CPT2: variants seen among roughly 807,000 people sequenced by gnomAD.
The protein encoded by CPT2 is carnitine O-palmitoyltransferase 2, mitochondrial.
Under a neutral mutation model 48.6 loss-of-function variants are expected in CPT2, and 37 were observed. That is an observed-to-expected ratio of 0.76 (90% CI 0.59 to 1.00). The LOEUF is 1.00. CPT2 is among the 50% of genes least tolerant of loss of function. The pLI is 0.00. For synonymous variants in CPT2, 319 were observed against 326.9 expected (o/e 0.98, Z 0.26); for missense variants, 772 against 825.6 (o/e 0.94, Z 0.80).
At chr1:53,205,726 G>A (rs1645383447) in intron 3 of CPT2, among the ~76,000 whole-genome samples, 1 of 152,190 alleles carries the variant, frequency 6.6e-6, no homozygotes. Flanking sequence ...GTGCAGCCTC[G>A]GGACATGGTG....
chr1:53,196,954 G>A lies in CPT2; in HGVS notation c.11G>A (p.Arg4His). 6.5e-7 allele frequency: 1 copy of A among 1,540,274 alleles called. No individual in the cohort carries two copies. The change falls in exon 1 of 5, where the codon CGC (arginine) becomes CAC (histidine). Residue 4 changes from arginine to histidine, a missense_variant. By Grantham distance (29) the Arg-to-His change is conservative. Coordinates refer to ENST00000371486, the MANE Select transcript of CPT2 (RefSeq NM_000098.3). The stretch of plus-strand genomic sequence containing the variant: ...CAGGCTCCCGGGACGATGGTGCCCC[G>A]CCTGCTGCTGCGCGCCTGGCCCCGG... Reference protein sequence around the residue: MVPRLLLRAWPRGP... With the variant: MVPHLLLRAWPRGP...
At chr1:53,208,365 T>A (rs934148089) in intron 3 of CPT2, 2 of 152,216 alleles carry the variant, frequency 1.3e-5, no homozygotes, top group Admixed American at 1.3e-4. Flanking sequence ...GCTATACATA[T>A]GAACATTATT....
chr1:53,210,939 C>A lies in CPT2; in HGVS notation c.1265C>A (p.Ala422Asp). Residue 422 changes from alanine (A) to aspartate (D), a missense_variant, in exon 4 of 5, where the codon GCC becomes GAC. Physicochemically the swap from Ala to Asp is moderately radical, Grantham distance 126. Coordinates refer to ENST00000371486, the MANE Select transcript of CPT2 (RefSeq NM_000098.3). ...VQKLNFELTD[A>D]LKTGITAAKE... ...AAACTCAACTTCGAGCTGACTGATG[C>A]CTTAAAGACTGGCATCACAGCTGCT... is the stretch of plus-strand genomic sequence containing the variant. 1 of 1,614,172 alleles carries A rather than the reference C, an allele frequency of 6.2e-7. No individual in the cohort carries two copies. Among genetic ancestry groups the A allele is most frequent in the East Asian group, 2.2e-5 (1 of 44,878 alleles).
intron 3 of CPT2, chr1:53,209,180 A>G (rs1374990847): frequency 6.6e-6 from 1 of 152,104 alleles, no homozygotes; most frequent in Non-Finnish European, 1.5e-5. Context: ...GAGCAACATA[A>G]TAAGACCCCA....
chr1:53,201,925 G>A, intron 2 of CPT2: 1 of 246,712 alleles, frequency 4.1e-6, no homozygotes, highest in South Asian at 5.1e-5. Context: ...CTTGTAAAGT[G>A]GTATTATTAT....
At chr1:53,212,030 C>T (rs561829600) in intron 4 of CPT2, among the ~76,000 whole-genome samples, 104 of 151,134 alleles carry the variant, frequency 6.9e-4, no homozygotes, top group African/African-American at 2.4e-3. Context: ...ATAGCTGGGA[C>T]TATAGGCATG....
chr1:53,197,224 C>T, intron 1 of CPT2, 129 bp downstream of exon 1: 1 of 1,143,110 alleles, frequency 8.7e-7, no homozygotes, highest in Admixed American at 2.0e-5. Context: ...GAGGCTGCCA[C>T]AGCCCCTAAT....
chr1:53,202,453 T>G, intron 3 of CPT2, 24 bp downstream of exon 3: 1 of 1,546,094 alleles, frequency 6.5e-7, no homozygotes, highest in East Asian at 2.2e-5. Context: ...GCTGTGGGTA[T>G]GATTTCTCCC....
chr1:53,211,750 C>T (rs1351243890), intron 4 of CPT2, among the ~76,000 whole-genome samples: 3 of 151,874 alleles, frequency 2.0e-5, no homozygotes, highest in Non-Finnish European at 4.4e-5. Context: ...AGGCACCCGC[C>T]ACTACACCTG....
chr1:53,200,335 C>T (rs1401033813), intron 1 of CPT2: 2 of 188,830 alleles, frequency 1.1e-5, no homozygotes, highest in South Asian at 9.4e-5. Context: ...TCATTTTATC[C>T]TAGGGGAGAA....
intron 3 of CPT2, chr1:53,204,260 A>G (rs1335439617): frequency 7.3e-6 from 1 of 137,336 alleles, no homozygotes; most frequent in Non-Finnish European, 1.5e-5. Flanking sequence ...TCATCCTCTA[A>G]TTTTCTTTTC....
At chr1:53,205,788 A>G (rs1645383797) in intron 3 of CPT2, among the ~76,000 whole-genome samples, 1 of 152,220 alleles carries the variant, frequency 6.6e-6, no homozygotes, top group Non-Finnish European at 1.5e-5. Context: ...GGGCCAAGGC[A>G]CAGCTCTGGC....
Position 53,210,047 on chromosome 1 carries a change from G to T in CPT2, c.373G>T (p.Asp125Tyr). Residue 125 changes from aspartate (D) to tyrosine (Y), a missense_variant, in exon 4 of 5, where the codon GAC (aspartate) becomes TAC (tyrosine). Physicochemically the swap from Asp to Tyr is radical, Grantham distance 160. Transcript: ENST00000371486. ...PWFDMYLSAR[D>Y]SVVLNFNPFM... Reference sequence around the variant, plus strand: ...GTTTGATATGTACCTATCTGCTCGAGACTCCGTTGTTCTGAACTTTAATCC... The same window carrying T: ...GTTTGATATGTACCTATCTGCTCGATACTCCGTTGTTCTGAACTTTAATCC... 1 of 1,613,868 alleles carries T rather than the reference G, an allele frequency of 6.2e-7. No homozygotes were observed. The highest frequency in any genetic ancestry group is 8.5e-7 in the Non-Finnish European group (1 of 1,179,958).
At chr1:53,199,228 T>G (rs1225360945) in intron 1 of CPT2, among the ~76,000 whole-genome samples, 1 of 152,110 alleles carries the variant, frequency 6.6e-6, no homozygotes, top group Non-Finnish European at 1.5e-5. Context: ...ACCCAGCTAA[T>G]TTTTGTATTT....
rs764435641 is a variant in CPT2 at position 53,211,285 on chromosome 1, G to A, written c.1611G>A (p.Lys537=). The stretch of plus-strand genomic sequence containing the variant: ...AGCAGATGATGGTTGAGTGCTCCAA[G>A]TACCATGGCCAGCTGACCAAAGAAG... ...ELQQMMVECS[K]YHGQLTKEAA... Residue 537 remains lysine (K), a synonymous_variant, in exon 4 of 5, where the codon AAG becomes AAA. Transcript: ENST00000371486. 17 of 1,610,432 alleles carry A rather than the reference G, an allele frequency of 1.1e-5. No individual in the cohort carries two copies. The highest frequency in any genetic ancestry group is 1.4e-5 in the Non-Finnish European group (17 of 1,178,398).
chr1:53,201,766 A>G (rs1645355867), intron 2 of CPT2: 1 of 163,626 alleles, frequency 6.1e-6, no homozygotes, highest in South Asian at 1.6e-4. Context: ...GTGATGGAGA[A>G]GCAGATGAAT....
chr1:53,207,200 C>T (rs1403664915), intron 3 of CPT2, among the ~76,000 whole-genome samples: 3 of 152,192 alleles, frequency 2.0e-5, no homozygotes, highest in African/African-American at 7.2e-5. Context: ...CCCAGCCATG[C>T]GGAACTAAGT....
chr1:53,200,947 A>G, intron 2 of CPT2, 148 bp downstream of exon 2: 2 of 713,522 alleles, frequency 2.8e-6, no homozygotes, highest in East Asian at 5.4e-5. Context: ...AGTTCAGGAA[A>G]TAGATTTTCA....
intron 2 of CPT2, chr1:53,201,836 T>G (rs1459155841): frequency 5.9e-6 from 1 of 168,992 alleles, no homozygotes; most frequent in South Asian, 1.4e-4. Context: ...AAGTTTCTCT[T>G]GATATGGTAA....
Sources: allele counts gnomAD v4.1 joint callset (sites outside exome capture counted in the v4.1 genomes callset), GRCh38; gene constraint gnomAD v4.1.1; transcripts MANE v1.5; gene names NCBI Gene and HGNC (gene_info 2026-07-23, HGNC 2026-07-21).